PCDHGA7: variants seen among roughly 807,000 people sequenced by gnomAD.
PCDHGA7 encodes the protein protocadherin gamma subfamily A, 7, also known as protocadherin gamma-A7.
PCDHGA7 carries 44 observed loss-of-function variants against 58.3 expected under a neutral mutation model. The observed-to-expected ratio is 0.75, with a 90% CI of 0.59 to 0.97. The LOEUF (loss-of-function observed/expected upper bound fraction) is 0.97, where lower values mean the gene tolerates loss of function less well. PCDHGA7 is among the 50% of genes least tolerant of loss of function. The pLI is 0.00. For missense variants in PCDHGA7, 1,266 were observed against 1,188.7 expected (o/e 1.06, Z -0.96); for synonymous variants, 516 against 504.2 (o/e 1.02, Z -0.31).
At chr5:141,446,339 G>A (rs1455819111) in intron 1 of PCDHGA7, among the ~76,000 whole-genome samples, 1 of 152,164 alleles carries the variant, frequency 6.6e-6, no homozygotes, top group Non-Finnish European at 1.5e-5. Flanking sequence ...GAACTGGATG[G>A]ACAAAGCTAC....
At chr5:141,467,939 A>G (rs2099154812) in intron 1 of PCDHGA7, among the ~76,000 whole-genome samples, 2 of 152,190 alleles carry the variant, frequency 1.3e-5, no homozygotes, top group Admixed American at 6.5e-5. Context: ...GATTACAAGC[A>G]TGAGCCACCA....
intron 1 of PCDHGA7, chr5:141,389,844 G>C: frequency 6.2e-7 from 1 of 1,614,014 alleles, no homozygotes; most frequent in Non-Finnish European, 8.5e-7. Flanking sequence ...ACCACTCTCG[G>C]CCACTGCCAC....
chr5:141,434,132 G>A (rs2097674012), intron 1 of PCDHGA7, among the ~76,000 whole-genome samples: 1 of 152,194 alleles, frequency 6.6e-6, no homozygotes, highest in South Asian at 2.1e-4. Context: ...CCTTTAGGCT[G>A]ATTTCTATGT....
intron 1 of PCDHGA7, chr5:141,422,899 G>A: frequency 2.5e-6 from 4 of 1,614,234 alleles, no homozygotes; most frequent in Non-Finnish European, 3.4e-6. Flanking sequence ...GGACCAGAAC[G>A]ACAATGCGCC....
In PCDHGA7 at chr5:141,409,805, C is replaced by G. The variant is rs751397816; in HGVS notation, c.2424+24482C>G. ...CGCCTTCGCGCTCACGCTGCAGGCC[C>G]GCGACCACGGCTCGCCCACGCTCAG... On this transcript the variant is annotated intron_variant, in intron 1 of 3. Coordinates refer to ENST00000518325, the MANE Select transcript of PCDHGA7 (RefSeq NM_018920.4). 8 of 1,611,512 alleles carry G rather than the reference C, an allele frequency of 5.0e-6. No individual in the cohort carries two copies. In the African/African-American group the frequency reaches 5.3e-5, roughly 11 times the overall value.
At chr5:141,481,844 G>A (rs552753850) in intron 1 of PCDHGA7, among the ~76,000 whole-genome samples, 7 of 151,350 alleles carry the variant, frequency 4.6e-5, no homozygotes, top group Admixed American at 1.3e-4. Context: ...TCGCTTGATG[G>A]TGGAGGTTGC....
In PCDHGA7 at chr5:141,477,176, G is replaced by C. The variant is rs766547728; in HGVS notation, c.2425-17631G>C. On this transcript the variant is annotated intron_variant, in intron 1 of 3. Coordinates refer to ENST00000518325, the MANE Select transcript of PCDHGA7 (RefSeq NM_018920.4). This position sits in a 1 kb window ranked among gnomAD's most constrained non-coding sequence, Gnocchi z 4.9. ...GAATGACAACGCCCCGGAGATCACAGTCACCTCCGTGTACAGCCCAGTACC... is the reference window on the plus strand; with the variant it reads ...GAATGACAACGCCCCGGAGATCACACTCACCTCCGTGTACAGCCCAGTACC... The C allele has an allele frequency of 1.2e-6, 2 of 1,614,206 alleles. No individual in the cohort carries two copies. The highest frequency in any genetic ancestry group is 3.3e-5 in the Admixed American group (2 of 60,024).
At position 141,491,910 on chromosome 5, in the gene PCDHGA7, G is replaced by T. The variant is rs946745903; in HGVS notation, c.2425-2897G>T. On this transcript the variant is annotated intron_variant, in intron 1 of 3. Coordinates refer to ENST00000518325, the MANE Select transcript of PCDHGA7 (RefSeq NM_018920.4). This position sits in a 1 kb window ranked among gnomAD's most constrained non-coding sequence, Gnocchi z 6.9. ...GGCTCCGAGCACCGGGGGTGGTGGC[G>T]ACTGTGGGCGAGGGGAGGTGGGACC... 3.6e-6 allele frequency: 5 copies of T among 1,406,946 alleles called. No individual in the cohort carries two copies. Among genetic ancestry groups the T allele is most frequent in the Non-Finnish European group, 4.7e-6 (5 of 1,059,702 alleles). 87.2% of individuals were successfully genotyped at this position (1,406,946 alleles called of 1,614,324 possible).
intron 1 of PCDHGA7, chr5:141,403,034 G>T (rs1589474195): frequency 1.9e-6 from 3 of 1,614,096 alleles, no homozygotes; most frequent in East Asian, 2.2e-5. Flanking sequence ...GGAGGCCAGG[G>T]CCAGTCAGAT....
At position 141,491,448 on chromosome 5, in the gene PCDHGA7, A is replaced by G; in HGVS notation, c.2425-3359A>G. ...GGCAGTGCTGCAGGCGCCAGGACTC[A>G]CCCTCCCCGGACTTCTATAAGCAGT... On this transcript the variant is annotated intron_variant, in intron 1 of 3. Coordinates refer to ENST00000518325, the MANE Select transcript of PCDHGA7 (RefSeq NM_018920.4). The surrounding 1 kb of genome is among the most constrained non-coding windows in gnomAD (Gnocchi z 6.9). The G allele has an allele frequency of 6.2e-7, 1 of 1,613,792 alleles. No homozygotes were observed. The highest frequency in any genetic ancestry group is 8.5e-7 in the Non-Finnish European group (1 of 1,179,986).
Position 141,384,826 on chromosome 5 carries a change from G to T in PCDHGA7, c.1927G>T (p.Val643Leu). 1 of 1,613,472 alleles carries T rather than the reference G, an allele frequency of 6.2e-7. No homozygotes were observed. The highest frequency in any genetic ancestry group is 8.5e-7 in the Non-Finnish European group (1 of 1,179,900). The part of the protein sequence containing the change: ...LDRDALKQSL[V>L]VAVQDHGQPP... The stretch of plus-strand genomic sequence containing the variant: ...CAGAGATGCCCTCAAGCAGAGCCTC[G>T]TGGTGGCCGTCCAGGACCACGGTCA... Residue 643 changes from valine (V) to leucine (L), a missense_variant, in exon 1 of 4, where the codon GTG becomes TTG. Coordinates refer to ENST00000518325, the MANE Select transcript of PCDHGA7 (RefSeq NM_018920.4).
intron 1 of PCDHGA7, chr5:141,395,512 A>C: frequency 4.7e-6 from 2 of 421,514 alleles, no homozygotes; most frequent in Non-Finnish European, 8.4e-6. Flanking sequence ...AGAAGTAGCT[A>C]CCCGTCCATA....
chr5:141,476,726 C>T lies in PCDHGA7; in HGVS notation c.2425-18081C>T. On this transcript the variant is annotated intron_variant, in intron 1 of 3. Coordinates refer to ENST00000518325, the MANE Select transcript of PCDHGA7 (RefSeq NM_018920.4). This position sits in a 1 kb window ranked among gnomAD's most constrained non-coding sequence, Gnocchi z 7.6. ...GCTGGTGTTGGAGCGCGCCCTGGAC[C>T]GAGAACGGGAGCCTAGTCTCCAGTT... The T allele has an allele frequency of 6.2e-7, 1 of 1,614,116 alleles. No homozygotes were observed. The highest frequency in any genetic ancestry group is 8.5e-7 in the Non-Finnish European group (1 of 1,180,028).
At chr5:141,400,467 ATCTGGGGCCTTATT>A in intron 1 of PCDHGA7, 1 of 1,614,042 alleles carries the variant, frequency 6.2e-7, no homozygotes, top group Non-Finnish European at 8.5e-7. Flanking sequence ...GTGGTGATTC[ATCTGGGGCCTTATT>A]TCCACTTTGT....
chr5:141,421,443 GAC>G (rs771422215), intron 1 of PCDHGA7: 47 of 1,613,988 alleles, frequency 2.9e-5, no homozygotes, highest in Non-Finnish European at 3.6e-5. Context: ...CCAGAGGGAA[GAC>G]ACAGCTTTTC....
chr5:141,423,006 T>A, intron 1 of PCDHGA7: 2 of 1,614,198 alleles, frequency 1.2e-6, no homozygotes, highest in Non-Finnish European at 1.7e-6. Context: ...CCAAGGTGGT[T>A]GCGGTGGACA....
At chr5:141,410,535 A>T (rs2095405545) in intron 1 of PCDHGA7, 9 of 1,613,752 alleles carry the variant, frequency 5.6e-6, no homozygotes, top group Non-Finnish European at 7.6e-6. Context: ...TCCAATGAAG[A>T]CATGGTTTGC....
chr5:141,421,847 C>G, intron 1 of PCDHGA7: 1 of 1,613,752 alleles, frequency 6.2e-7, no homozygotes, highest in Non-Finnish European at 8.5e-7. Flanking sequence ...GAGAAAGAGG[C>G]TGCTCACCTG....
In PCDHGA7 at chr5:141,392,907, C is replaced by T. The variant is rs746317747; in HGVS notation, c.2424+7584C>T. The T allele has an allele frequency of 5.6e-6, 9 of 1,613,824 alleles. No homozygotes were observed. In the East Asian group the frequency reaches 1.8e-4, roughly 32 times the overall value. On this transcript the variant is annotated intron_variant, in intron 1 of 3. Coordinates refer to ENST00000518325, the MANE Select transcript of PCDHGA7 (RefSeq NM_018920.4). Reference sequence around the variant, plus strand: ...GTGGGAAATCGGGAGGGGACAGATTCGCTACTCTGTGCCAGAAGAGACGGA... The same window carrying T: ...GTGGGAAATCGGGAGGGGACAGATTTGCTACTCTGTGCCAGAAGAGACGGA...
Sources: allele counts gnomAD v4.1 joint callset (sites outside exome capture counted in the v4.1 genomes callset), GRCh38; gene constraint gnomAD v4.1.1; non-coding constraint Gnocchi (gnomAD v3.1); transcripts MANE v1.5; gene names NCBI Gene and HGNC (gene_info 2026-07-23, HGNC 2026-07-21).